Variants in CDK12 observed in about 807,000 individuals in gnomAD.
The protein encoded by CDK12 is cyclin-dependent kinase 12.
A neutral mutation model predicts 133.8 loss-of-function variants in CDK12; 17 were observed. The observed-to-expected ratio is 0.13, with a 90% CI of 0.09 to 0.19. The LOEUF is 0.19. CDK12 is among the 10% of genes least tolerant of loss of function. The pLI, the probability that CDK12 is intolerant of heterozygous loss-of-function variation, is 1.00. For synonymous variants in CDK12, 694 were observed against 683.6 expected, an observed-to-expected ratio of 1.02 and a Z score of -0.24; for missense variants, 1,508 against 1,818.7, an observed-to-expected ratio of 0.83 and a Z score of 3.11.
chr17:39,523,417 A>G (rs1277776461), intron 11 of CDK12, among the ~76,000 whole-genome samples: 2 of 152,168 alleles, frequency 1.3e-5, no homozygotes. Context: ...CGGAGGTTGC[A>G]GTGAACTGAG....
chr17:39,517,089 A>T (rs562498730), intron 9 of CDK12, among the ~76,000 whole-genome samples: 1 of 152,258 alleles, frequency 6.6e-6, no homozygotes, highest in East Asian at 1.9e-4. Context: ...CCCTATAGGG[A>T]TACTATAGGA....
intron 11 of CDK12, among the ~76,000 whole-genome samples, chr17:39,520,470 C>T (rs1167020131): frequency 6.6e-6 from 1 of 152,120 alleles, no homozygotes; most frequent in Non-Finnish European, 1.5e-5. Flanking sequence ...ACTCAGCTCA[C>T]TGCAACCTCT....
chr17:39,504,731 T>A (rs1033847313), intron 6 of CDK12, among the ~76,000 whole-genome samples: 1 of 151,610 alleles, frequency 6.6e-6, no homozygotes, highest in Non-Finnish European at 1.5e-5. Flanking sequence ...GTACAAAAAT[T>A]AGCTGAGCTT....
chr17:39,481,629 GCGCGCTCTCTCTCTCTCTCTCTCT>G (rs2050664862), intron 2 of CDK12, among the ~76,000 whole-genome samples: 8 of 25,026 alleles, frequency 3.2e-4, no homozygotes, highest in African/African-American at 7.0e-4. Flanking sequence ...TTGCTCGCTC[GCGCGCTCTCTCTCTCTCTCTCTCT>G]CTCTCTCTCT....
chr17:39,487,251 A>G (rs1244612971), intron 2 of CDK12, among the ~76,000 whole-genome samples: 2 of 152,210 alleles, frequency 1.3e-5, no homozygotes, highest in Non-Finnish European at 1.5e-5. Flanking sequence ...TAAAACGATA[A>G]AAATTGGCAG....
chr17:39,525,991 G>C lies in CDK12; in HGVS notation c.3435G>C (p.Glu1145Asp). The C allele has an allele frequency of 6.2e-7, 1 of 1,614,186 alleles. No individual in the cohort carries two copies. Among genetic ancestry groups the C allele is most frequent in the Non-Finnish European group, 8.5e-7 (1 of 1,180,030 alleles). ...TGCTTAACATCCACTCCAACCCAGA[G>C]ATGCAGCAGCAGCTGGAAGCCCTGA... ...AQLLNIHSNPEMQQQLEALNQ... is the reference protein window; with the variant it reads ...AQLLNIHSNPDMQQQLEALNQ... Residue 1145 changes from glutamate (E) to aspartate (D), a missense_variant, in exon 13 of 14, where the codon GAG (glutamate) becomes GAC (aspartate). Coordinates refer to ENST00000447079, the MANE Select transcript of CDK12 (RefSeq NM_016507.4).
At chr17:39,519,868 A>G in intron 10 of CDK12, 88 bp from the exon 11 acceptor site, 1 of 1,498,884 alleles carries the variant, frequency 6.7e-7, no homozygotes, top group South Asian at 1.2e-5. Flanking sequence ...TGCTGGAATT[A>G]CAGGTGTGAG....
intron 2 of CDK12, among the ~76,000 whole-genome samples, chr17:39,487,144 T>G (rs1243279202): frequency 1.3e-5 from 2 of 152,214 alleles, no homozygotes; most frequent in Non-Finnish European, 2.9e-5. Flanking sequence ...ACAGAAAGTT[T>G]CAGATGATCA....
At chr17:39,510,048 T>TGCCTCA (rs1298495780) in intron 7 of CDK12, among the ~76,000 whole-genome samples, 2 of 151,700 alleles carry the variant, frequency 1.3e-5, no homozygotes, top group African/African-American at 4.8e-5. Flanking sequence ...GCTGTCTACC[T>TGCCTCA]GCCTCAGCCT....
chr17:39,565,389 C>T (rs533068423), downstream of CDK12, among the ~76,000 whole-genome samples: 1 of 151,758 alleles, frequency 6.6e-6, no homozygotes, highest in Admixed American at 6.6e-5. Flanking sequence ...GCTGGGATTA[C>T]AGGCGTGAGC....
chr17:39,515,623 A>G (rs2053753604), intron 8 of CDK12, 108 bp from the exon 9 acceptor site: 5 of 651,820 alleles, frequency 7.7e-6, no homozygotes, highest in South Asian at 2.0e-5. Context: ...ATTTGGGGCT[A>G]TTTATCTTGG....
intron 2 of CDK12, among the ~76,000 whole-genome samples, chr17:39,483,448 T>C (rs901800584): frequency 4.6e-5 from 7 of 151,862 alleles, no homozygotes; most frequent in Non-Finnish European, 8.8e-5. Flanking sequence ...TACTTTTTTG[T>C]AGAGATGGAG....
intron 2 of CDK12, among the ~76,000 whole-genome samples, chr17:39,474,558 G>A (rs1198846721): frequency 3.9e-5 from 6 of 152,058 alleles, no homozygotes; most frequent in Non-Finnish European, 8.8e-5. Context: ...CAAGTGATCC[G>A]CTTGCTTTGG....
At chr17:39,524,212 A>G (rs1387355752) in intron 11 of CDK12, among the ~76,000 whole-genome samples, 2 of 152,224 alleles carry the variant, frequency 1.3e-5, no homozygotes, top group Non-Finnish European at 2.9e-5. Flanking sequence ...CAAATTACAC[A>G]TAAGTTGATT....
At chr17:39,477,487 CT>C (rs758740667) in intron 2 of CDK12, among the ~76,000 whole-genome samples, 2 of 151,926 alleles carry the variant, frequency 1.3e-5, no homozygotes, top group Non-Finnish European at 2.9e-5. Flanking sequence ...ATCCACCCAC[CT>C]TGGCCTCCCA....
upstream of CDK12, among the ~76,000 whole-genome samples, chr17:39,547,581 C>A (rs1020511650): frequency 6.6e-6 from 1 of 152,172 alleles, no homozygotes; most frequent in African/African-American, 2.4e-5. Flanking sequence ...TACTCATTCC[C>A]AGATGCCTCC....
chr17:39,467,051 T>C (rs1362502544), intron 1 of CDK12, among the ~76,000 whole-genome samples: 1 of 152,132 alleles, frequency 6.6e-6, no homozygotes, highest in Non-Finnish European at 1.5e-5. Flanking sequence ...CGATCTCAGC[T>C]CACTGCAACC....
At position 39,471,300 on chromosome 17, in the gene CDK12, C is replaced by A. The variant is rs760101107; in HGVS notation, c.1468C>A (p.His490Asn). ...KVKLDENSEK[H>N]LVKDLKAQGT... ...AAAGTTGGATGAGAACTCCGAGAAG[C>A]ATCTTGTTAAAGATTTGAAAGCACA... The change falls in exon 2 of 14, where the codon CAT (histidine) becomes AAT (asparagine). Residue 490 changes from histidine (H) to asparagine (N), a missense_variant. His to Asn is a moderately conservative substitution (Grantham distance 68). Coordinates refer to ENST00000447079, the MANE Select transcript of CDK12 (RefSeq NM_016507.4). The A allele has an allele frequency of 1.9e-6, 3 of 1,613,538 alleles. No individual in the cohort carries two copies. Among genetic ancestry groups the A allele is most frequent in the Non-Finnish European group, 2.5e-6 (3 of 1,179,660 alleles).
rs935188511 is a variant in CDK12 at position 39,560,472 on chromosome 17, A to G, written n.484+4059A>G. Among the ~76,000 whole-genome samples, 3 of 152,216 alleles carry G rather than the reference A, an allele frequency of 2.0e-5. No homozygotes were observed. In the South Asian group the frequency reaches 6.2e-4, roughly 32 times the overall value. On this transcript the variant is annotated intron_variant and non_coding_transcript_variant, in intron 3 of 3. Transcript: ENST00000558240. ...TTATCTCCATTTTATAGATGTGGAAAATTGAGGCTCATGTTAAATCATTTT... is the reference window on the plus strand; with the variant it reads ...TTATCTCCATTTTATAGATGTGGAAGATTGAGGCTCATGTTAAATCATTTT...
Sources: gnomAD v4.1 joint callset for allele counts (sites outside exome capture counted in the v4.1 genomes callset) on GRCh38, gnomAD v4.1.1 for gene constraint, MANE v1.5 for transcripts, NCBI Gene and HGNC (gene_info 2026-07-23, HGNC 2026-07-21) for gene names.